Variants in PTPRD observed in about 807,000 individuals in gnomAD.
PTPRD encodes protein tyrosine phosphatase receptor type D.
In PTPRD, 34 loss-of-function variants were observed where a neutral mutation model predicts 214.5. The observed-to-expected ratio is 0.16, with a 90% CI of 0.12 to 0.21. PTPRD has a LOEUF of 0.21. Ranked by LOEUF, PTPRD falls within the 10% of genes least tolerant of loss-of-function variation. PTPRD has a pLI of 1.00. For synonymous variants in PTPRD, 1,128 were observed against 845.7 expected, an observed-to-expected ratio of 1.33 and a Z score of -5.79; for missense variants, 2,545 against 2,398.7, an observed-to-expected ratio of 1.06 and a Z score of -1.27.
chr9:8,627,293 G>A (rs2096073977), intron 14 of PTPRD, among the ~76,000 whole-genome samples: 1 of 151,704 alleles, frequency 6.6e-6, no homozygotes, highest in African/African-American at 2.4e-5. Flanking sequence ...CTGCAGCAGG[G>A]ATCACTTCAG....
intron 2 of PTPRD, among the ~76,000 whole-genome samples, chr9:10,577,773 C>A (rs1039754534): frequency 6.6e-6 from 1 of 152,100 alleles, no homozygotes; most frequent in Non-Finnish European, 1.5e-5. Flanking sequence ...CAAACTTACA[C>A]ACATAAAACA....
At chr9:9,397,712 A>T (rs1477080358) in intron 8 of PTPRD, among the ~76,000 whole-genome samples, 1 of 152,014 alleles carries the variant, frequency 6.6e-6, no homozygotes, top group Non-Finnish European at 1.5e-5. Flanking sequence ...TCTTTTTTAT[A>T]GGCATACCTG....
In PTPRD at chr9:8,886,092, G is replaced by C. The variant is rs970751588; in HGVS notation, c.-104+132605C>G. 7.2e-5 allele frequency among the ~76,000 whole-genome samples: 11 copies of C among 152,220 alleles called. No individual in the cohort carries two copies. In the South Asian group the frequency reaches 8.3e-4, roughly 11 times the overall value. ...TAGGAAAGAACTCAAAAAGAGATTTGTGTCTACAAGACACCAACATCTGGA... is the reference window on the plus strand; with the variant it reads ...TAGGAAAGAACTCAAAAAGAGATTTCTGTCTACAAGACACCAACATCTGGA... On this transcript the variant is annotated intron_variant, in intron 11 of 45. Transcript: ENST00000381196.
intron 11 of PTPRD, among the ~76,000 whole-genome samples, chr9:8,965,072 T>C (rs1314321296): frequency 6.6e-6 from 1 of 152,010 alleles, no homozygotes; most frequent in African/African-American, 2.4e-5. Context: ...AAGTGTCAAG[T>C]TTAAGTTCAG....
At chr9:10,310,990 C>T (rs1245933838) in intron 3 of PTPRD, among the ~76,000 whole-genome samples, 2 of 152,054 alleles carry the variant, frequency 1.3e-5, no homozygotes, top group African/African-American at 2.4e-5. Context: ...AAATGGGAAC[C>T]AATTTGATTG....
chr9:9,571,966 T>C lies in PTPRD; in HGVS notation c.-237+2766A>G, dbSNP rs145211297. Among the ~76,000 whole-genome samples, 1,480 of 151,310 alleles carry C rather than the reference T, an allele frequency of 9.8e-3. 22 individuals carry two copies. The highest frequency in any genetic ancestry group is 0.033 in the African/African-American group (1,348 of 41,454). On this transcript the variant is annotated intron_variant, in intron 8 of 45. Coordinates refer to ENST00000381196, the MANE Select transcript of PTPRD (RefSeq NM_002839.4). ...TAAAAGTTTAAACGATATTATGGTT[T>C]AGAGAAACCATAATATCTTAGTAAC...
At chr9:9,707,819 A>T (rs888549303) in intron 7 of PTPRD, among the ~76,000 whole-genome samples, 2 of 151,992 alleles carry the variant, frequency 1.3e-5, no homozygotes, top group African/African-American at 4.8e-5. Context: ...GACTATTGAA[A>T]CCTGTAGTTA....
chr9:10,536,754 G>C (rs2057898470), intron 2 of PTPRD, among the ~76,000 whole-genome samples: 1 of 152,104 alleles, frequency 6.6e-6, no homozygotes, highest in Admixed American at 6.6e-5. Context: ...TAAGTGAAAA[G>C]TCAGCTGTCT....
At chr9:9,465,010 T>C (rs764097248) in intron 8 of PTPRD, among the ~76,000 whole-genome samples, 2 of 152,196 alleles carry the variant, frequency 1.3e-5, no homozygotes, top group South Asian at 2.1e-4. Context: ...TGTGAGACAA[T>C]TGAATTCTGG....
At chr9:8,771,705 A>T (rs955632326) in intron 11 of PTPRD, among the ~76,000 whole-genome samples, 1 of 152,196 alleles carries the variant, frequency 6.6e-6, no homozygotes, top group African/African-American at 2.4e-5. Flanking sequence ...GGATAATTAT[A>T]AGAGAACACT....
chr9:9,541,695 C>A (rs191899483), intron 8 of PTPRD, among the ~76,000 whole-genome samples: 10 of 151,956 alleles, frequency 6.6e-5, no homozygotes, highest in African/African-American at 2.2e-4. Flanking sequence ...TTACCAAGTG[C>A]ATAAAGTGGT....
intron 9 of PTPRD, among the ~76,000 whole-genome samples, chr9:9,239,602 A>C (rs144497515): frequency 9.2e-4 from 140 of 152,252 alleles, no homozygotes; most frequent in Non-Finnish European, 1.5e-3. Flanking sequence ...CTCTCCTGAA[A>C]TCTTACACAC....
intron 10 of PTPRD, among the ~76,000 whole-genome samples, chr9:9,042,614 CTTTTCTT>C (rs754359182): frequency 0.33 from 37,213 of 112,382 alleles, 5,611 homozygotes; most frequent in Middle Eastern, 0.44. Context: ...TCTTTTTTTT[CTTTTCTT>C]TTTTTTTTTT....
At chr9:8,336,637 A>AAC (rs921914582) in intron 43 of PTPRD, among the ~76,000 whole-genome samples, 1 of 150,380 alleles carries the variant, frequency 6.6e-6, no homozygotes, top group African/African-American at 2.4e-5. Context: ...GCAAAAAAAA[A>AAC]AAAAAAAAAC....
intron 14 of PTPRD, among the ~76,000 whole-genome samples, chr9:8,610,036 T>C (rs2095387229): frequency 6.6e-6 from 1 of 152,140 alleles, no homozygotes; most frequent in African/African-American, 2.4e-5. Flanking sequence ...TACCTATCCC[T>C]CAGGACTGAT....
At chr9:10,288,472 C>G (rs2095430429) in intron 3 of PTPRD, among the ~76,000 whole-genome samples, 1 of 152,026 alleles carries the variant, frequency 6.6e-6, no homozygotes, top group African/African-American at 2.4e-5. Flanking sequence ...CTTTTGTTTT[C>G]AGAAATGCAG....
At chr9:8,512,091 G>C (rs2097694204) in intron 21 of PTPRD, among the ~76,000 whole-genome samples, 4 of 151,994 alleles carry the variant, frequency 2.6e-5, no homozygotes, top group Admixed American at 2.6e-4. Flanking sequence ...TATGACCAAA[G>C]ATACTAGAAA....
At chr9:10,408,110 A>G (rs886864323) in intron 2 of PTPRD, among the ~76,000 whole-genome samples, 8 of 151,586 alleles carry the variant, frequency 5.3e-5, no homozygotes, top group African/African-American at 1.9e-4. Context: ...CTGCCTTGTT[A>G]TCTTTGCTTG....
chr9:8,912,818 T>A (rs1298511060), intron 11 of PTPRD, among the ~76,000 whole-genome samples: 1 of 152,138 alleles, frequency 6.6e-6, no homozygotes, highest in Non-Finnish European at 1.5e-5. Context: ...TGTAGAACCC[T>A]GGTAAAGTTG....
Sources: allele counts gnomAD v4.1 joint callset (sites outside exome capture counted in the v4.1 genomes callset), GRCh38; gene constraint gnomAD v4.1.1; transcripts MANE v1.5; gene names NCBI Gene and HGNC (gene_info 2026-07-23, HGNC 2026-07-21).